XRCC3: variants seen among roughly 807,000 people sequenced by gnomAD.
The protein encoded by XRCC3 is X-ray repair cross complementing 3.
XRCC3 carries 34 observed loss-of-function variants against 29.2 expected under a neutral mutation model. That is an observed-to-expected ratio of 1.16 (90% CI 0.88 to 1.55). The LOEUF (loss-of-function observed/expected upper bound fraction) is 1.55. Ranked by LOEUF, XRCC3 falls within the 40% of genes most tolerant of loss-of-function variation. The pLI is 0.00. For synonymous variants in XRCC3, 223 were observed against 211.3 expected (o/e 1.06, Z -0.48); for missense variants, 463 against 467.6 (o/e 0.99, Z 0.09).
At chr14:103,714,842 CA>C in intron 1 of XRCC3, among the ~76,000 whole-genome samples, 1 of 152,264 alleles carries the variant, frequency 6.6e-6, no homozygotes, top group East Asian at 1.9e-4. Flanking sequence ...CGTGCCACCA[CA>C]CCCAGCTAAT....
chr14:103,699,409 AC>A lies in XRCC3; in HGVS notation c.728del (p.Arg243LeufsTer3). The A allele has an allele frequency of 2.5e-6, 4 of 1,612,454 alleles. No homozygotes were observed. Among genetic ancestry groups the A allele is most frequent in the Non-Finnish European group, 3.4e-6 (4 of 1,179,766 alleles). ...GGCTCTGGAAGGCACTGCTCAGCTC[AC>A]GCAGCGTGGCCCCCAGGGACTGCAG... ...RHLQSLGATL[R>X]ELSSAFQSPV... On this transcript the variant is annotated frameshift_variant, in exon 8 of 10. Coordinates refer to ENST00000555055, the MANE Select transcript of XRCC3 (RefSeq NM_005432.4). LOFTEE classifies it high-confidence loss of function.
intron 7 of XRCC3, chr14:103,701,432 A>T (rs1435893971): frequency 4.4e-6 from 2 of 458,576 alleles, no homozygotes; most frequent in East Asian, 6.5e-5. Context: ...CTCCCAGGAG[A>T]CCTGGGGCAT....
chr14:103,701,342 A>G, intron 7 of XRCC3: 3 of 865,072 alleles, frequency 3.5e-6, no homozygotes, highest in Admixed American at 2.4e-5. Context: ...TGCATAGGAC[A>G]TGATACTAAT....
intron 7 of XRCC3, chr14:103,701,238 G>A (rs764366128): frequency 2.3e-5 from 36 of 1,548,480 alleles, no homozygotes; most frequent in Non-Finnish European, 2.8e-5. Flanking sequence ...TGGGACTGCC[G>A]AGTGTGGCCC....
At chr14:103,706,442 T>C (rs907676998) in intron 6 of XRCC3, 49 of 455,458 alleles carry the variant, frequency 1.1e-4, no homozygotes, top group Non-Finnish European at 2.0e-4. Context: ...GTTTAAAAGT[T>C]AAGGAGCTAC....
chr14:103,709,123 G>T (rs1413092078), intron 4 of XRCC3: 10 of 312,724 alleles, frequency 3.2e-5, no homozygotes, highest in Non-Finnish European at 6.2e-5. Context: ...GTGCCCTGGG[G>T]AGGGGAGCGC....
chr14:103,714,795 C>T (rs1442032897), intron 1 of XRCC3, among the ~76,000 whole-genome samples: 4 of 152,156 alleles, frequency 2.6e-5, no homozygotes, highest in Non-Finnish European at 4.4e-5. Context: ...AAACAATTCT[C>T]CTGCCTCAGC....
chr14:103,708,212 G>C lies in XRCC3; in HGVS notation c.193+310C>G, dbSNP rs118192077. On this transcript the variant is annotated intron_variant, in intron 5 of 9. Transcript: ENST00000555055. ...CTCACACCGTTCCCACCCTGCCAGA[G>C]CCTGAAGGGCTCTGGGTGCTGACTG... The C allele has an allele frequency of 1.4e-3, 605 of 440,286 alleles. 7 individuals carry two copies. In the East Asian group the frequency reaches 0.021, roughly 15 times the overall value. The allele number at this position is 440,286 out of a possible 1,614,324, so 27.3% of individuals were successfully genotyped here.
In XRCC3 at chr14:103,699,385, G is replaced by C; in HGVS notation, c.753C>G (p.Ser251Arg). ...TCACCTGGTTGATGCACAGCACAGG[G>C]CTCTGGAAGGCACTGCTCAGCTCAC... ...TLRELSSAFQ[S>R]PVLCINQVTE... Residue 251 changes from serine to arginine, a missense_variant, in exon 8 of 10, where the codon AGC becomes AGG. By Grantham distance (110) the Ser-to-Arg change is moderately radical (BLOSUM62 -1). Coordinates refer to ENST00000555055, the MANE Select transcript of XRCC3 (RefSeq NM_005432.4). The C allele has an allele frequency of 6.2e-7, 1 of 1,610,204 alleles. No homozygotes were observed. The highest frequency in any genetic ancestry group is 1.3e-5 in the African/African-American group (1 of 74,970).
Position 103,707,078 on chromosome 14 carries a change from C to T in XRCC3, c.331G>A (p.Ala111Thr), listed in dbSNP as rs1462576376. Residue 111 changes from alanine to threonine, a missense_variant, in exon 6 of 10, where the codon GCA becomes ACA. By Grantham distance (58) the Ala-to-Thr change is moderately conservative. Coordinates refer to ENST00000555055, the MANE Select transcript of XRCC3 (RefSeq NM_005432.4). ...GITELAGRSS[A>T]GKTQLALQLC... ...TGCAGCGCCAGCTGGGTCTTCCCTG[C>T]CGAGCTGCGTCCGGCCAGCTCAGTG... The T allele has an allele frequency of 9.0e-6, 14 of 1,559,926 alleles. No homozygotes were observed. Among genetic ancestry groups the T allele is most frequent in the Non-Finnish European group, 1.1e-5 (13 of 1,153,762 alleles).
chr14:103,705,818 G>A (rs1254060137), intron 6 of XRCC3: 4 of 158,828 alleles, frequency 2.5e-5, no homozygotes, highest in Non-Finnish European at 4.2e-5. Flanking sequence ...AGATTTGCAC[G>A]AAGCCTGGCA....
chr14:103,703,787 A>G, intron 6 of XRCC3: 1 of 229,680 alleles, frequency 4.4e-6, no homozygotes, highest in Non-Finnish European at 8.8e-6. Context: ...CCTCTCTTCA[A>G]AGCTCCTGCA....
chr14:103,707,228 G>C lies in XRCC3; in HGVS notation c.194-13C>G. 6.5e-7 allele frequency: 1 copy of C among 1,548,390 alleles called. No homozygotes were observed. Among genetic ancestry groups the C allele is most frequent in the African/African-American group, 1.4e-5 (1 of 73,116 alleles). On this transcript the variant is annotated splice_polypyrimidine_tract_variant and intron_variant, in intron 5 of 9. Transcript: ENST00000555055. ...TGCAGCTGCAGTGCTAAAGGGCAGG[G>C]ATAGTGTCAGGCCTGACTCTCCTGG... is the stretch of plus-strand genomic sequence containing the variant.
chr14:103,707,937 G>A (rs1297177901), intron 5 of XRCC3: 2 of 216,020 alleles, frequency 9.3e-6, no homozygotes, highest in African/African-American at 2.3e-5. Context: ...AGCACCGTGT[G>A]TGTGGCCGTG....
chr14:103,706,410 G>C (rs146247906), intron 6 of XRCC3: 6 of 455,906 alleles, frequency 1.3e-5, no homozygotes, highest in Admixed American at 7.1e-5. Flanking sequence ...CGTGGGAATC[G>C]CATGTTGACA....
chr14:103,699,274 C>T (rs745449993), intron 8 of XRCC3, 90 bp downstream of exon 8: 6 of 1,540,658 alleles, frequency 3.9e-6, no homozygotes, highest in Non-Finnish European at 4.4e-6. Flanking sequence ...GGCCACCTCA[C>T]TGCCACCCGC....
At chr14:103,700,574 T>C in intron 7 of XRCC3, 3 of 1,136,204 alleles carry the variant, frequency 2.6e-6, no homozygotes, top group Non-Finnish European at 2.6e-6. Context: ...AGCCACACGC[T>C]GGTGTCACGC....
rs537630445 is a variant in XRCC3 at position 103,698,473 on chromosome 14, C to T, written c.*325G>A. 9.9e-5 allele frequency: 39 copies of T among 392,756 alleles called. No individual in the cohort carries two copies. Among genetic ancestry groups the T allele is most frequent in the South Asian group, 7.8e-4 (33 of 42,566 alleles). The allele number at this position is 392,756 out of a possible 1,614,324, so 24.3% of individuals were successfully genotyped here. Reference sequence around the variant, plus strand: ...CTTCCATGTGGAGAGAAGAAGCAGGCGGCTCCCAGGGAGTCACTGTAGGAC... The same window carrying T: ...CTTCCATGTGGAGAGAAGAAGCAGGTGGCTCCCAGGGAGTCACTGTAGGAC... On this transcript the variant is annotated 3_prime_UTR_variant, in exon 10 of 10. Transcript: ENST00000555055.
At chr14:103,706,868 A>G in intron 6 of XRCC3, 135 bp downstream of exon 6, 1 of 1,016,964 alleles carries the variant, frequency 9.8e-7, no homozygotes, top group Non-Finnish European at 1.5e-6. Flanking sequence ...GAGGGCAATC[A>G]GGGTGAGAAG....
Sources: gnomAD v4.1 joint callset for allele counts (sites outside exome capture counted in the v4.1 genomes callset) on GRCh38, gnomAD v4.1.1 for gene constraint, MANE v1.5 for transcripts, NCBI Gene and HGNC (gene_info 2026-07-23, HGNC 2026-07-21) for gene names.